RCBTB1: variants seen among roughly 807,000 people sequenced by gnomAD.
RCBTB1 encodes the protein RCC1 and BTB domain-containing protein 1.
In RCBTB1, 46 loss-of-function variants were observed where a neutral mutation model predicts 62.4. The observed-to-expected ratio is 0.74, with a 90% confidence interval of 0.58 to 0.94. RCBTB1 has a LOEUF of 0.94. Among genes scored for constraint, RCBTB1 ranks in the 40% least tolerant of loss-of-function variants. The probability of loss-of-function intolerance (pLI) is 0.00; values close to 1 mark genes in which losing one functional copy is unlikely to be tolerated. For missense variants in RCBTB1, 565 were observed against 654.9 expected (o/e 0.86, Z 1.50); for synonymous variants, 222 against 245.8 (o/e 0.90, Z 0.91).
intron 6 of RCBTB1, among the ~76,000 whole-genome samples, chr13:49,553,634 C>A (rs1292963543): frequency 6.6e-6 from 1 of 152,114 alleles, no homozygotes; most frequent in Admixed American, 6.5e-5. Context: ...AAATTACAAA[C>A]CCAAGATTTG....
intron 2 of RCBTB1, among the ~76,000 whole-genome samples, chr13:49,580,185 G>A (rs996325326): frequency 1.3e-5 from 2 of 152,120 alleles, no homozygotes; most frequent in Admixed American, 6.5e-5. Context: ...AAGAAATATC[G>A]ATGATTAGAA....
At chr13:49,575,245 C>CA in intron 2 of RCBTB1, among the ~76,000 whole-genome samples, 1 of 152,060 alleles carries the variant, frequency 6.6e-6, no homozygotes, top group Non-Finnish European at 1.5e-5. Flanking sequence ...ATCAAAAAGT[C>CA]AAAAACAAAA....
chr13:49,544,990 C>T (rs1405703809), intron 9 of RCBTB1, 127 bp from the exon 10 acceptor site: 1 of 686,666 alleles, frequency 1.5e-6, no homozygotes, highest in African/African-American at 1.8e-5. Context: ...GAGTTCATAC[C>T]TTGTTTGACA....
At chr13:49,555,814 T>C (rs1190597195) in intron 5 of RCBTB1, 141 bp from the exon 6 acceptor site, 4 of 611,968 alleles carry the variant, frequency 6.5e-6, no homozygotes, top group Non-Finnish European at 1.1e-5. Flanking sequence ...TTTACACACA[T>C]TAACCTATTT....
At chr13:49,583,316 G>A (rs1330030054) in intron 1 of RCBTB1, among the ~76,000 whole-genome samples, 1 of 152,222 alleles carries the variant, frequency 6.6e-6, no homozygotes, top group African/African-American at 2.4e-5. Flanking sequence ...GAGACCGTAA[G>A]TCTTTAGAGG....
chr13:49,541,557 CT>C, intron 11 of RCBTB1, 118 bp downstream of exon 11: 7 of 925,070 alleles, frequency 7.6e-6, no homozygotes, highest in Non-Finnish European at 9.3e-6. Context: ...TACTTCAAAT[CT>C]TTTTTAAGCA....
In RCBTB1 at chr13:49,550,392, G is replaced by A. The variant is rs561662084; in HGVS notation, c.855-744C>T. ...GACTCTGAACGTTCCAATCCAAAAG[G>A]AAAACAAGCCAAACTTACTATATTT... is the stretch of plus-strand genomic sequence containing the variant. On this transcript the variant is annotated intron_variant, in intron 8 of 12. Transcript: ENST00000378302. 132 of 976,570 alleles carry A rather than the reference G, an allele frequency of 1.4e-4. No homozygotes were observed. In the African/African-American group the frequency reaches 2.3e-3, roughly 17 times the overall value. 60.5% of individuals were successfully genotyped at this position (976,570 alleles called of 1,614,324 possible). A position where few individuals can be genotyped will look rare whatever the true frequency, so the allele number is the denominator to read the frequency against.
chr13:49,578,610 T>C (rs904495659), intron 2 of RCBTB1, among the ~76,000 whole-genome samples: 2 of 152,222 alleles, frequency 1.3e-5, no homozygotes, highest in African/African-American at 4.8e-5. Flanking sequence ...TGCAAGTATA[T>C]GGTCCATGTG....
At chr13:49,542,848 A>T (rs1167275447) in intron 10 of RCBTB1, among the ~76,000 whole-genome samples, 1 of 152,188 alleles carries the variant, frequency 6.6e-6, no homozygotes, top group Non-Finnish European at 1.5e-5. Flanking sequence ...TACATGTACA[A>T]AGCCACCTGC....
chr13:49,574,598 A>G (rs1369955087), intron 2 of RCBTB1, among the ~76,000 whole-genome samples: 1 of 152,220 alleles, frequency 6.6e-6, no homozygotes, highest in East Asian at 1.9e-4. Flanking sequence ...AAAATCTGGA[A>G]AAATGAATTA....
At chr13:49,556,079 T>C (rs1056069430) in intron 5 of RCBTB1, among the ~76,000 whole-genome samples, 2 of 152,088 alleles carry the variant, frequency 1.3e-5, no homozygotes, top group Admixed American at 6.5e-5. Context: ...GAATGTGGCA[T>C]CAATAGGAAA....
chr13:49,561,647 A>G (rs1962437163), intron 4 of RCBTB1, among the ~76,000 whole-genome samples: 1 of 152,206 alleles, frequency 6.6e-6, no homozygotes, highest in Admixed American at 6.5e-5. Context: ...ATAAACTTAT[A>G]AAGTTTAAAT....
At chr13:49,544,920 A>C in intron 9 of RCBTB1, 57 bp from the exon 10 acceptor site, 1 of 1,424,636 alleles carries the variant, frequency 7.0e-7, no homozygotes, top group East Asian at 2.3e-5. Flanking sequence ...TTGAAGATTC[A>C]AAAGACTTCA....
At chr13:49,578,956 C>A (rs186749967) in intron 2 of RCBTB1, among the ~76,000 whole-genome samples, 2 of 152,230 alleles carry the variant, frequency 1.3e-5, no homozygotes, top group Non-Finnish European at 2.9e-5. Context: ...CTTTGGTATA[C>A]AACATTACAA....
At chr13:49,535,937 C>T (rs997937061) in intron 12 of RCBTB1, among the ~76,000 whole-genome samples, 11 of 151,478 alleles carry the variant, frequency 7.3e-5, no homozygotes, top group African/African-American at 1.9e-4. Flanking sequence ...GCAGGAGAAT[C>T]GCTTGAACCC....
chr13:49,560,606 G>C (rs1594306751), intron 4 of RCBTB1, among the ~76,000 whole-genome samples: 1 of 72,302 alleles, frequency 1.4e-5, no homozygotes, highest in African/African-American at 5.9e-5. Context: ...CATGAAATCT[G>C]GCTGAATTTT....
intron 12 of RCBTB1, among the ~76,000 whole-genome samples, chr13:49,534,948 C>T (rs1217141481): frequency 3.9e-5 from 6 of 152,098 alleles, no homozygotes; most frequent in South Asian, 2.1e-4. Flanking sequence ...ACAGGAGAAT[C>T]GTTTGAGCCT....
intron 8 of RCBTB1, chr13:49,550,453 C>G (rs1429418468): frequency 2.6e-5 from 26 of 982,294 alleles, no homozygotes; most frequent in Admixed American, 1.2e-4. Flanking sequence ...GTCTCATAAT[C>G]AGAAGTCAGC....
chr13:49,579,610 C>A (rs1029769705), intron 2 of RCBTB1, among the ~76,000 whole-genome samples: 5 of 133,254 alleles, frequency 3.8e-5, no homozygotes, highest in Non-Finnish European at 6.3e-5. Flanking sequence ...GGTGACAGAT[C>A]GAGACTTGTC....
Sources: gnomAD v4.1 joint callset for allele counts (sites outside exome capture counted in the v4.1 genomes callset) on GRCh38, gnomAD v4.1.1 for gene constraint, MANE v1.5 for transcripts, NCBI Gene and HGNC (gene_info 2026-07-23, HGNC 2026-07-21) for gene names.